SANBR: variants seen among roughly 807,000 people sequenced by gnomAD.
SANBR encodes SANT and BTB domain regulator of CSR.
A neutral mutation model predicts 101.8 loss-of-function variants in SANBR; 77 were observed. The ratio of observed to expected loss-of-function variants is 0.76; its 90% CI spans 0.63 to 0.91. SANBR has a LOEUF of 0.91. SANBR is among the 40% of genes least tolerant of loss of function. The pLI is 0.00. For synonymous variants in SANBR, 279 were observed against 274.7 expected (o/e 1.02, Z -0.15); for missense variants, 875 against 853.0 (o/e 1.03, Z -0.32).
At position 61,076,079 on chromosome 2, in the gene SANBR, C is replaced by T. The variant is rs562202168; in HGVS notation, c.432-841C>T. On this transcript the variant is annotated intron_variant, in intron 5 of 21. Transcript: ENST00000402291. ...AGCCATCTGGGCTCACTGCAACCTC[C>T]GCCTCCCGAGTTCACACCATTCTCC... Among the ~76,000 whole-genome samples the T allele has an allele frequency of 1.7e-3, 252 of 151,578 alleles. 1 individual carries two copies. Among genetic ancestry groups the T allele is most frequent in the African/African-American group, 6.0e-3 (247 of 41,464 alleles).
rs1683675151 is a variant in SANBR, at chr2:61,108,418, A to G, written c.1644+69A>G. On this transcript the variant is annotated intron_variant, in intron 15 of 21. Transcript: ENST00000402291. ...CTAAATTAAAGTTTAGTTTAATAGA[A>G]TCTTATCAGTATCTTATTTTACAAA... 4.0e-6 allele frequency: 4 copies of G among 1,003,302 alleles called. No individual in the cohort carries two copies. The South Asian group carries it at 4.6e-5, about 12-fold the overall frequency. The allele number at this position is 1,003,302 out of a possible 1,614,324, so 62.1% of individuals were successfully genotyped here.
At position 61,077,584 on chromosome 2, in the gene SANBR, A is replaced by G. The variant is rs552378545; in HGVS notation, c.670+426A>G. On this transcript the variant is annotated intron_variant, in intron 6 of 21. Transcript: ENST00000402291. ...CTAGCAGTACATAGTTACATAGTTA[A>G]TAAGAAAAAAAAAAAGAAAAGAAAA... Among the ~76,000 whole-genome samples the G allele has an allele frequency of 2.8e-4, 42 of 152,214 alleles. No homozygotes were observed. The South Asian group carries it at 4.1e-3, about 15-fold the overall frequency.
chr2:61,097,708 C>G lies in SANBR; in HGVS notation c.1221C>G (p.Leu407=). 6 of 1,599,860 alleles carry G rather than the reference C, an allele frequency of 3.8e-6. No homozygotes were observed. Among genetic ancestry groups the G allele is most frequent in the Non-Finnish European group, 5.1e-6 (6 of 1,170,824 alleles). The change falls in exon 12 of 22, where the codon CTC becomes CTG. Residue 407 remains leucine (L), a synonymous_variant. Coordinates refer to ENST00000402291, the MANE Select transcript of SANBR (RefSeq NM_001129993.3). ...ATCTATGTCTTTATCAGGCCTTTCTCTGTATTGAATTTTCACATTGTCAAT... is the reference window on the plus strand; with the variant it reads ...ATCTATGTCTTTATCAGGCCTTTCTGTGTATTGAATTTTCACATTGTCAAT... ...LTCSRCYQAF[L]CIEFSHCQYH...
chr2:61,101,603 G>A (rs555450863), intron 12 of SANBR, among the ~76,000 whole-genome samples: 64 of 152,058 alleles, frequency 4.2e-4, no homozygotes, highest in Admixed American at 4.1e-3. Flanking sequence ...CTTGGTGGCG[G>A]GCGCCTATAG....
chr2:61,125,381 A>C (rs1211904741), downstream of SANBR, among the ~76,000 whole-genome samples: 1 of 152,226 alleles, frequency 6.6e-6, no homozygotes, highest in Non-Finnish European at 1.5e-5. Flanking sequence ...GGAGGCACCT[A>C]ATACTTTTCG....
exon 21 of SANBR, chr2:61,134,215 A>G: frequency 6.2e-7 from 1 of 1,609,614 alleles, no homozygotes; most frequent in Non-Finnish European, 8.5e-7. Flanking sequence ...GCTCTTGATG[A>G]CAGTGTTGCT....
Position 61,103,732 on chromosome 2 carries a change from G to A in SANBR, c.1366-121G>A, listed in dbSNP as rs373672589. 98 of 887,476 alleles carry A rather than the reference G, an allele frequency of 1.1e-4. 1 individual carries two copies. In the South Asian group the frequency reaches 1.6e-3, roughly 15 times the overall value. The allele number at this position is 887,476 out of a possible 1,614,324, so 55.0% of individuals were successfully genotyped here. A position where few individuals can be genotyped will look rare whatever the true frequency, so the allele number is the denominator to read the frequency against. ...TTTCTGTATGAGGAATGTTTTTCTT[G>A]AGAAAAAGTTATAAAATATGTATAT... On this transcript the variant is annotated intron_variant, in intron 12 of 21. Transcript: ENST00000402291.
At chr2:61,070,701 A>G (rs1400357815) in intron 3 of SANBR, among the ~76,000 whole-genome samples, 1 of 145,688 alleles carries the variant, frequency 6.9e-6, no homozygotes, top group Non-Finnish European at 1.5e-5. Context: ...AATTTTATAT[A>G]TTATATATAG....
At chr2:61,066,540 C>G (rs1182455562) in intron 1 of SANBR, 3 of 152,588 alleles carry the variant, frequency 2.0e-5, no homozygotes, top group African/African-American at 7.2e-5. Flanking sequence ...CCTGTGTGTG[C>G]AGAAGTCAGG....
chr2:61,068,475 A>G (rs1681294637), intron 1 of SANBR, among the ~76,000 whole-genome samples: 1 of 152,244 alleles, frequency 6.6e-6, no homozygotes, highest in African/African-American at 2.4e-5. Context: ...TTTGTATGCC[A>G]GACAGTGTGC....
chr2:61,114,721 C>T (rs1683992175), intron 16 of SANBR, among the ~76,000 whole-genome samples: 1 of 152,140 alleles, frequency 6.6e-6, no homozygotes, highest in African/African-American at 2.4e-5. Flanking sequence ...GTGTCGTGAT[C>T]ACAGCTCACT....
At chr2:61,093,959 C>A in intron 11 of SANBR, 2 of 253,028 alleles carry the variant, frequency 7.9e-6, no homozygotes, top group Non-Finnish European at 1.2e-5. Context: ...GAGTTTTCGA[C>A]AAATAATTTC....
rs746998704 is a variant in SANBR at position 61,088,438 on chromosome 2, G to A, written c.1058G>A (p.Arg353Gln). 3.7e-6 allele frequency: 6 copies of A among 1,608,240 alleles called. No individual in the cohort carries two copies. Among genetic ancestry groups the A allele is most frequent in the Admixed American group, 1.7e-5 (1 of 59,270 alleles). ...ATTCCTGGAAAAATCAATGTGGATC[G>A]ACGTGGAAATATTGTCTATATTCAC... ...PCIPGKINVD[R>Q]RGNIVYIHIR... The change falls in exon 10 of 22, where the codon CGA (arginine) becomes CAA (glutamine). Residue 353 changes from arginine to glutamine, a missense_variant. Transcript: ENST00000402291.
downstream of SANBR, among the ~76,000 whole-genome samples, chr2:61,127,572 A>G (rs564085577): frequency 3.4e-4 from 52 of 152,344 alleles, no homozygotes; most frequent in African/African-American, 1.2e-3. Flanking sequence ...GGAAGATGCT[A>G]TGGAATTATG....
intron 9 of SANBR, 24 bp downstream of exon 9, chr2:61,088,269 TG>T: frequency 2.5e-6 from 4 of 1,583,182 alleles, no homozygotes; most frequent in Non-Finnish European, 3.4e-6. Flanking sequence ...TTTTTTTCTT[TG>T]GTGTACTTTA....
intron 20 of SANBR, among the ~76,000 whole-genome samples, chr2:61,119,295 A>G (rs1341026293): frequency 1.3e-5 from 2 of 152,224 alleles, no homozygotes; most frequent in African/African-American, 4.8e-5. Context: ...AAAAGGAAAC[A>G]TAGGAGAAAA....
At chr2:61,067,440 T>A (rs926517873) in intron 1 of SANBR, among the ~76,000 whole-genome samples, 1 of 152,090 alleles carries the variant, frequency 6.6e-6, no homozygotes, top group Admixed American at 6.6e-5. Context: ...CCAAACAAAT[T>A]ATAATAAAAC....
intron 16 of SANBR, among the ~76,000 whole-genome samples, chr2:61,114,935 G>A (rs1046813633): frequency 6.6e-6 from 1 of 152,184 alleles, no homozygotes; most frequent in Non-Finnish European, 1.5e-5. Context: ...AGGATTACAG[G>A]TGTGAGCCAC....
At chr2:61,076,175 A>G (rs1332382164) in intron 5 of SANBR, among the ~76,000 whole-genome samples, 1 of 150,990 alleles carries the variant, frequency 6.6e-6, no homozygotes, top group Non-Finnish European at 1.5e-5. Context: ...TTGTATTTTC[A>G]GTAGAGACGG....
Sources: gnomAD v4.1 joint callset for allele counts (sites outside exome capture counted in the v4.1 genomes callset) on GRCh38, gnomAD v4.1.1 for gene constraint, MANE v1.5 for transcripts, NCBI Gene and HGNC (gene_info 2026-07-23, HGNC 2026-07-21) for gene names.